The following SCAMP1 variants were observed in gnomAD, a reference collection of about 807,000 sequenced individuals.
SCAMP1 encodes secretory carrier-associated membrane protein 1.
Under a neutral mutation model 41.8 loss-of-function variants are expected in SCAMP1, and 15 were observed. The observed-to-expected ratio is 0.36, with a 90% CI of 0.24 to 0.55. SCAMP1 has a LOEUF of 0.55. SCAMP1 is among the 20% of genes least tolerant of loss of function. The pLI is 0.86. For missense variants in SCAMP1, 341 were observed against 412.6 expected, an observed-to-expected ratio of 0.83 and a Z score of 1.50; for synonymous variants, 135 against 136.8, an observed-to-expected ratio of 0.99 and a Z score of 0.09.
chr5:78,362,775 TTTACTTC>T (rs1288752872), intron 1 of SCAMP1, among the ~76,000 whole-genome samples: 3 of 152,226 alleles, frequency 2.0e-5, no homozygotes, highest in African/African-American at 7.2e-5. Flanking sequence ...ATTTTGTCTT[TTTACTTC>T]TGCTTATATT....
chr5:78,416,834 A>G (rs1427998989), intron 4 of SCAMP1, among the ~76,000 whole-genome samples, 185 bp downstream of exon 4: 2 of 152,166 alleles, frequency 1.3e-5, no homozygotes, highest in African/African-American at 2.4e-5. Context: ...GCTGATTTGC[A>G]TAGTCTTTTG....
At chr5:78,364,441 G>A (rs1162982967) in intron 1 of SCAMP1, among the ~76,000 whole-genome samples, 1 of 151,972 alleles carries the variant, frequency 6.6e-6, no homozygotes, top group Non-Finnish European at 1.5e-5. Context: ...CAGCTGGGGG[G>A]GCAAATTCTT....
intron 2 of SCAMP1, among the ~76,000 whole-genome samples, chr5:78,410,669 G>A (rs1399609050): frequency 3.3e-5 from 5 of 152,130 alleles, no homozygotes; most frequent in Non-Finnish European, 7.3e-5. Flanking sequence ...CACAGTAATG[G>A]GATTGCTGGG....
intron 1 of SCAMP1, among the ~76,000 whole-genome samples, chr5:78,372,146 A>G (rs1750957436): frequency 6.6e-6 from 1 of 152,238 alleles, no homozygotes; most frequent in African/African-American, 2.4e-5. Context: ...TGGCTGTGTT[A>G]TATACATGCT....
intron 6 of SCAMP1, among the ~76,000 whole-genome samples, chr5:78,435,427 C>G (rs896222096): frequency 5.3e-5 from 8 of 152,156 alleles, no homozygotes; most frequent in African/African-American, 1.9e-4. Context: ...GCCCTGCGTC[C>G]AAGGGTTCTC....
rs398051015 is a variant in SCAMP1 at position 78,443,212 on chromosome 5, CAAAAAAAAAAA to C, written c.633-6706_633-6696del. ...TGGGCAACAGAGCTAGACTCTGTCT[CAAAAAAAAAAA>C]AAAAAAAAAAAAAAGAATTTTACCT... On this transcript the variant is annotated intron_variant, in intron 6 of 8. Transcript: ENST00000621999. Among the ~76,000 whole-genome samples the C allele has an allele frequency of 7.6e-5, 5 of 66,042 alleles. No individual in the cohort carries two copies. In the East Asian group the frequency reaches 1.5e-3, roughly 20 times the overall value. 43.3% of individuals were successfully genotyped at this position (66,042 alleles called of 152,430 possible). A position where few individuals can be genotyped will look rare whatever the true frequency, so the allele number is the denominator to read the frequency against.
chr5:78,415,630 T>G lies in SCAMP1; in HGVS notation c.234+12T>G, dbSNP rs1752192601. ...CACAGATTGCAAAGGTTAGTTCATG[T>G]TAGTTGTATAAATTCATATTGGCCA... On this transcript the variant is annotated intron_variant, in intron 3 of 8. Coordinates refer to ENST00000621999, the MANE Select transcript of SCAMP1 (RefSeq NM_004866.6). 1.3e-6 allele frequency: 2 copies of G among 1,510,220 alleles called. No homozygotes were observed. Among genetic ancestry groups the G allele is most frequent in the Non-Finnish European group, 1.8e-6 (2 of 1,099,004 alleles). 93.6% of individuals were successfully genotyped at this position (1,510,220 alleles called of 1,614,324 possible).
chr5:78,430,969 C>G (rs1365839280), intron 6 of SCAMP1, among the ~76,000 whole-genome samples: 1 of 152,014 alleles, frequency 6.6e-6, no homozygotes, highest in Non-Finnish European at 1.5e-5. Flanking sequence ...TTGTATGCAG[C>G]TTATTTCCTA....
chr5:78,395,662 A>C (rs1751632863), intron 2 of SCAMP1, among the ~76,000 whole-genome samples: 1 of 152,110 alleles, frequency 6.6e-6, no homozygotes, highest in African/African-American at 2.4e-5. Context: ...TGGTCGTATG[A>C]CTGAGGGTCC....
intron 2 of SCAMP1, among the ~76,000 whole-genome samples, chr5:78,414,189 A>G (rs1226616650): frequency 6.6e-6 from 1 of 151,934 alleles, no homozygotes; most frequent in African/African-American, 2.4e-5. Context: ...CAGATATTTT[A>G]TGGGGGCATG....
chr5:78,368,841 T>G (rs1750863679), intron 1 of SCAMP1, among the ~76,000 whole-genome samples: 1 of 152,092 alleles, frequency 6.6e-6, no homozygotes, highest in South Asian at 2.1e-4. Context: ...ATTTGTTGCT[T>G]TAGAAAAAGA....
chr5:78,363,592 A>G (rs913951079), intron 1 of SCAMP1, among the ~76,000 whole-genome samples: 2 of 152,200 alleles, frequency 1.3e-5, no homozygotes, highest in Admixed American at 6.5e-5. Context: ...TTTGGTAACT[A>G]TGCTAATTTC....
chr5:78,372,439 T>A (rs1246094913), intron 1 of SCAMP1, among the ~76,000 whole-genome samples: 1 of 152,146 alleles, frequency 6.6e-6, no homozygotes, highest in Non-Finnish European at 1.5e-5. Flanking sequence ...TCTACAGTAA[T>A]GTACCCAAAG....
At chr5:78,460,783 TC>T (rs1387407233) in intron 8 of SCAMP1, among the ~76,000 whole-genome samples, 1 of 46,376 alleles carries the variant, frequency 2.2e-5, no homozygotes, top group African/African-American at 1.4e-4. Context: ...CTTCCTTCCT[TC>T]CTTCCTTCCT....
intron 1 of SCAMP1, chr5:78,361,068 C>A (rs923378663): frequency 4.2e-6 from 1 of 236,980 alleles, no homozygotes. Flanking sequence ...TAGAGTCGCC[C>A]CTTGCCAAGC....
intron 1 of SCAMP1, among the ~76,000 whole-genome samples, chr5:78,379,855 C>T (rs372605290): frequency 6.6e-6 from 1 of 152,196 alleles, no homozygotes; most frequent in African/African-American, 2.4e-5. Context: ...TCTGATCCTA[C>T]ATTCTATCTC....
chr5:78,378,915 A>G lies in SCAMP1; in HGVS notation c.58-9922A>G, dbSNP rs559959879. 4.6e-5 allele frequency among the ~76,000 whole-genome samples: 7 copies of G among 152,352 alleles called. No individual in the cohort carries two copies. The East Asian group carries it at 1.3e-3, about 29-fold the overall frequency. On this transcript the variant is annotated intron_variant, in intron 1 of 8. Coordinates refer to ENST00000621999, the MANE Select transcript of SCAMP1 (RefSeq NM_004866.6). ...TCCCAGACCTACTGAATCAGAAACAAGGTACGTTCAGAGTGACGCTCAGCA... is the reference window on the plus strand; with the variant it reads ...TCCCAGACCTACTGAATCAGAAACAGGGTACGTTCAGAGTGACGCTCAGCA...
chr5:78,410,718 C>T (rs1482565045), intron 2 of SCAMP1, among the ~76,000 whole-genome samples: 1 of 152,162 alleles, frequency 6.6e-6, no homozygotes, highest in Non-Finnish European at 1.5e-5. Flanking sequence ...TGAGGAACCA[C>T]CACACTGTCT....
At chr5:78,436,291 C>A (rs1299530056) in intron 6 of SCAMP1, among the ~76,000 whole-genome samples, 1 of 152,142 alleles carries the variant, frequency 6.6e-6, no homozygotes, top group Non-Finnish European at 1.5e-5. Flanking sequence ...GTCATGAAAT[C>A]CTTGCCCATG....
Sources: allele counts gnomAD v4.1 joint callset (sites outside exome capture counted in the v4.1 genomes callset), GRCh38; gene constraint gnomAD v4.1.1; transcripts MANE v1.5; gene names NCBI Gene and HGNC (gene_info 2026-07-23, HGNC 2026-07-21).